KCNQ1: variants seen among roughly 807,000 people sequenced by gnomAD.
KCNQ1 encodes the protein potassium voltage-gated channel subfamily KQT member 1.
KCNQ1 carries 49 observed loss-of-function variants against 72.4 expected under a neutral mutation model. That is an observed-to-expected ratio of 0.68 (90% CI 0.54 to 0.86). KCNQ1 has a LOEUF of 0.86. Ranked by LOEUF, KCNQ1 falls within the 40% of genes least tolerant of loss-of-function variation. The pLI is 0.00. For missense variants in KCNQ1, 790 were observed against 945.1 expected, an observed-to-expected ratio of 0.84 and a Z score of 2.15; for synonymous variants, 450 against 412.6, an observed-to-expected ratio of 1.09 and a Z score of -1.10.
chr11:2,685,183 C>T (rs922432631), intron 11 of KCNQ1: 2 of 398,670 alleles, frequency 5.0e-6, no homozygotes, highest in Admixed American at 4.4e-5. Context: ...GCATGGAATG[C>T]CCCCTTCGTG....
intron 1 of KCNQ1, among the ~76,000 whole-genome samples, chr11:2,517,317 C>T: frequency 6.6e-6 from 1 of 152,158 alleles, no homozygotes; most frequent in East Asian, 1.9e-4. Flanking sequence ...GTGAGATGCA[C>T]CTGATGGACC....
In KCNQ1 at chr11:2,764,331, C is replaced by T. The variant is rs1180786900; in HGVS notation, c.1515-4513C>T. 6.6e-6 allele frequency among the ~76,000 whole-genome samples: 1 copy of T among 151,732 alleles called. No homozygotes were observed. Among genetic ancestry groups the T allele is most frequent in the African/African-American group, 2.4e-5 (1 of 41,302 alleles). Reference sequence around the variant, plus strand: ...TTGATTGTATTTTTTCTGACTTATTCTGTTGATGTGAAGAGTGACGCTGCT... The same window carrying T: ...TTGATTGTATTTTTTCTGACTTATTTTGTTGATGTGAAGAGTGACGCTGCT... On this transcript the variant is annotated intron_variant, in intron 11 of 15. Coordinates refer to ENST00000155840, the MANE Select transcript of KCNQ1 (RefSeq NM_000218.3). The surrounding 1 kb of genome is among the most constrained non-coding windows in gnomAD (Gnocchi z 4.8).
In KCNQ1 at chr11:2,516,363, A is replaced by G. The variant is rs564525766; in HGVS notation, c.387-11565A>G. Among the ~76,000 whole-genome samples, 5 of 152,064 alleles carry G rather than the reference A, an allele frequency of 3.3e-5. No homozygotes were observed. In the South Asian group the frequency reaches 1.0e-3, roughly 32 times the overall value. On this transcript the variant is annotated intron_variant, in intron 1 of 15. Transcript: ENST00000155840. The surrounding 1 kb of genome is among the most constrained non-coding windows in gnomAD (Gnocchi z 7.0). ...GTCCCAGCGTCCCCTCATGCCTGGG[A>G]CCGCTGACCCACCGGGATTCTTGGG...
chr11:2,812,390 C>T (rs556879286), intron 15 of KCNQ1, among the ~76,000 whole-genome samples: 6 of 152,190 alleles, frequency 3.9e-5, no homozygotes, highest in African/African-American at 1.4e-4. Flanking sequence ...TTCCCTCCCC[C>T]ACCCTGGCAG....
Position 2,633,056 on chromosome 11 carries a change from T to A in KCNQ1, c.1394-28905T>A, listed in dbSNP as rs573626016. On this transcript the variant is annotated intron_variant, in intron 10 of 15. Transcript: ENST00000155840. ...CAAATAGTGTATTATTTCCCTTTTC[T>A]CTGCATCCTTGCCAGCATTTGTTAT... 9.7e-4 allele frequency: 385 copies of A among 398,536 alleles called. 1 individual carries two copies. The highest frequency in any genetic ancestry group is 1.4e-3 in the Non-Finnish European group (326 of 226,008). The allele number at this position is 398,536 out of a possible 1,614,324, so 24.7% of individuals were successfully genotyped here.
rs539205123 is a variant in KCNQ1 at position 2,507,084 on chromosome 11, C to G, written c.387-20844C>G. 2.0e-5 allele frequency among the ~76,000 whole-genome samples: 3 copies of G among 152,312 alleles called. No individual in the cohort carries two copies. The highest frequency in any genetic ancestry group is 7.2e-5 in the African/African-American group (3 of 41,568). On this transcript the variant is annotated intron_variant, in intron 1 of 15. Transcript: ENST00000155840. The surrounding 1 kb of genome is among the most constrained non-coding windows in gnomAD (Gnocchi z 5.4). ...ATCATCAAATTTATCATGCTTCTTT[C>G]TACTGACTCCGGATTCAGGGCCACA...
Position 2,782,073 on chromosome 11 carries a change from T to A in KCNQ1, c.1794+4036T>A, listed in dbSNP as rs544113339. Among the ~76,000 whole-genome samples the A allele has an allele frequency of 1.1e-4, 17 of 152,200 alleles. No individual in the cohort carries two copies. The highest frequency in any genetic ancestry group is 3.1e-4 in the African/African-American group (13 of 41,526). On this transcript the variant is annotated intron_variant, in intron 15 of 15. Transcript: ENST00000155840. This position sits in a 1 kb window ranked among gnomAD's most constrained non-coding sequence, Gnocchi z 6.1. Reference sequence around the variant, plus strand: ...CCCCCAGACACTGCTACCCTTTCCCTCATTCCAGTGTGACTCCTCCATCAA... The same window carrying A: ...CCCCCAGACACTGCTACCCTTTCCCACATTCCAGTGTGACTCCTCCATCAA...
rs552378874 is a variant in KCNQ1, at chr11:2,579,393, C to T, written c.922-4042C>T. ...TCGCCCCCACAGTTCCTGCCATGGG[C>T]GTGACTTTGTGTGCCTCATATGGCT... On this transcript the variant is annotated intron_variant, in intron 6 of 15. Coordinates refer to ENST00000155840, the MANE Select transcript of KCNQ1 (RefSeq NM_000218.3). The surrounding 1 kb of genome is among the most constrained non-coding windows in gnomAD (Gnocchi z 6.0). Among the ~76,000 whole-genome samples the T allele has an allele frequency of 4.2e-4, 64 of 152,262 alleles. No homozygotes were observed. Among genetic ancestry groups the T allele is most frequent in the Non-Finnish European group, 7.5e-4 (51 of 68,014 alleles).
intron 11 of KCNQ1, among the ~76,000 whole-genome samples, chr11:2,700,250 C>T (rs371050029): frequency 9.9e-5 from 15 of 152,210 alleles, no homozygotes; most frequent in African/African-American, 2.2e-4. Context: ...CGCGAGCCGC[C>T]GCCCTCCCTG....
At chr11:2,660,712 G>A (rs1034428089) in intron 10 of KCNQ1, 20 of 398,424 alleles carry the variant, frequency 5.0e-5, no homozygotes, top group Admixed American at 8.8e-5. Context: ...ACCTTCATTC[G>A]GGCTTCATTC....
At chr11:2,445,519 G>T in intron 1 of KCNQ1, 35 bp downstream of exon 1, 9 of 1,581,750 alleles carry the variant, frequency 5.7e-6, no homozygotes, top group Non-Finnish European at 6.8e-6. Flanking sequence ...CGGCACGAAG[G>T]TGCTTCCTGA....
chr11:2,718,264 G>A (rs992270363), intron 11 of KCNQ1, among the ~76,000 whole-genome samples: 1 of 152,178 alleles, frequency 6.6e-6, no homozygotes, highest in Non-Finnish European at 1.5e-5. Context: ...GGCTTCAGGG[G>A]CCTGAGCCCC....
chr11:2,527,884 TG>T, intron 1 of KCNQ1, 43 bp from the exon 2 acceptor site: 1 of 1,559,730 alleles, frequency 6.4e-7, no homozygotes, highest in Non-Finnish European at 8.8e-7. Context: ...ATCTGTGGGA[TG>T]GGCAGAGGCC....
At chr11:2,702,723 A>G (rs961788440) in intron 11 of KCNQ1, among the ~76,000 whole-genome samples, 5 of 152,088 alleles carry the variant, frequency 3.3e-5, no homozygotes, top group Non-Finnish European at 5.9e-5. Flanking sequence ...GTGATATTCC[A>G]TGGGCACCTC....
At chr11:2,804,580 G>C (rs1001942207) in intron 15 of KCNQ1, among the ~76,000 whole-genome samples, 1 of 152,212 alleles carries the variant, frequency 6.6e-6, no homozygotes, top group African/African-American at 2.4e-5. Context: ...TAACTTGACA[G>C]AGTGGTTCCA....
In KCNQ1 at chr11:2,816,803, A is replaced by G. The variant is rs1298711987; in HGVS notation, c.1795-30964A>G. 6.6e-6 allele frequency among the ~76,000 whole-genome samples: 1 copy of G among 151,838 alleles called. No homozygotes were observed. Among genetic ancestry groups the G allele is most frequent in the Non-Finnish European group, 1.5e-5 (1 of 67,930 alleles). On this transcript the variant is annotated intron_variant, in intron 15 of 15. Coordinates refer to ENST00000155840, the MANE Select transcript of KCNQ1 (RefSeq NM_000218.3). The surrounding 1 kb of genome is among the most constrained non-coding windows in gnomAD (Gnocchi z 6.8). ...TCCCCTGCTCAGGAGGCCTTCCCTGAGCCCCTGCCCCCTCCATTTCAGACA... is the reference window on the plus strand; with the variant it reads ...TCCCCTGCTCAGGAGGCCTTCCCTGGGCCCCTGCCCCCTCCATTTCAGACA...
At chr11:2,650,142 C>A (rs967373338) in intron 10 of KCNQ1, 2 of 398,038 alleles carry the variant, frequency 5.0e-6, no homozygotes, top group Non-Finnish European at 8.9e-6. Context: ...TTGTTTGGTT[C>A]TTTTTCATAT....
intron 6 of KCNQ1, among the ~76,000 whole-genome samples, chr11:2,577,877 G>T (rs924481437): frequency 6.6e-6 from 1 of 151,784 alleles, no homozygotes; most frequent in African/African-American, 2.4e-5. Context: ...CCACCCAGGG[G>T]CCTCCCTCTG....
Position 2,595,726 on chromosome 11 carries a change from A to C in KCNQ1, c.1393+6872A>C, listed in dbSNP as rs1430584039. Among the ~76,000 whole-genome samples the C allele has an allele frequency of 6.6e-6, 1 of 152,228 alleles. No homozygotes were observed. Among genetic ancestry groups the C allele is most frequent in the Non-Finnish European group, 1.5e-5 (1 of 68,030 alleles). On this transcript the variant is annotated intron_variant, in intron 10 of 15. Transcript: ENST00000155840. This position sits in a 1 kb window ranked among gnomAD's most constrained non-coding sequence, Gnocchi z 5.0. The stretch of plus-strand genomic sequence containing the variant: ...ATTAGTGTTGTTCTTATGGCTGCTA[A>C]CACAACATCCATTCTGCAGCCCATA...
Sources: gnomAD v4.1 joint callset for allele counts (sites outside exome capture counted in the v4.1 genomes callset) on GRCh38, gnomAD v4.1.1 for gene constraint, Gnocchi (gnomAD v3.1) non-coding constraint, MANE v1.5 for transcripts, NCBI Gene and HGNC (gene_info 2026-07-23, HGNC 2026-07-21) for gene names.